The following ATP11B variants were observed in gnomAD, a reference collection of about 807,000 sequenced individuals.
ATP11B encodes the protein phospholipid-transporting ATPase IF.
In ATP11B, 81 loss-of-function variants were observed where a neutral mutation model predicts 157.8. The observed-to-expected ratio is 0.51, with a 90% CI of 0.43 to 0.62. The LOEUF (loss-of-function observed/expected upper bound fraction) is 0.62, where lower values mean the gene tolerates loss of function less well. Among genes scored for constraint, ATP11B ranks in the 20% least tolerant of loss-of-function variants. The pLI is 0.00. For missense variants in ATP11B, 1,165 were observed against 1,402.2 expected (o/e 0.83, Z 2.70); for synonymous variants, 451 against 469.4 (o/e 0.96, Z 0.51).
intron 1 of ATP11B, among the ~76,000 whole-genome samples, chr3:182,805,111 A>T (rs1365166000): frequency 6.6e-6 from 1 of 152,130 alleles, no homozygotes; most frequent in Non-Finnish European, 1.5e-5. Context: ...TGTTATGTAG[A>T]TGTGTATTTT....
rs1249231798 is a variant in ATP11B at position 182,874,047 on chromosome 3, C to G, written c.2252+32C>G. On this transcript the variant is annotated intron_variant, in intron 19 of 29. Transcript: ENST00000323116. ...ATATAGGAACCTGTATCATACCTTTCAGGGGTTAGCAAACTATGGTTCCCT... is the reference window on the plus strand; with the variant it reads ...ATATAGGAACCTGTATCATACCTTTGAGGGGTTAGCAAACTATGGTTCCCT... 7 of 1,586,220 alleles carry G rather than the reference C, an allele frequency of 4.4e-6. No homozygotes were observed. In the Admixed American group the frequency reaches 1.2e-4, roughly 27 times the overall value.
chr3:182,841,621 A>G (rs576594257), intron 7 of ATP11B, among the ~76,000 whole-genome samples: 2 of 152,294 alleles, frequency 1.3e-5, no homozygotes, highest in African/African-American at 4.8e-5. Flanking sequence ...TGTTTTTAAA[A>G]TGATTTATAG....
At chr3:182,868,121 C>G (rs926280115) in intron 15 of ATP11B, among the ~76,000 whole-genome samples, 2 of 151,804 alleles carry the variant, frequency 1.3e-5, no homozygotes, top group South Asian at 4.2e-4. Flanking sequence ...TTAGATGCTT[C>G]TGGGTAGTGA....
intron 29 of ATP11B, chr3:182,916,220 G>T: frequency 1.0e-6 from 1 of 985,250 alleles, no homozygotes; most frequent in Non-Finnish European, 1.2e-6. Flanking sequence ...TTTCCATTGT[G>T]ACTTTAGAGT....
In ATP11B at chr3:182,828,192, AT is replaced by A; in HGVS notation, c.219del (p.Ile74TyrfsTer7). ...AAGAGTGGCAAACTTTTATTTTCTT[AT>A]TATATTTTTGGTTCAGGTAAGCTTT... ...FRRVANFYFL[I>X]IFLVQLMIDT... On this transcript the variant is annotated frameshift_variant, in exon 3 of 30. Transcript: ENST00000323116. LOFTEE classifies it high-confidence loss of function. The A allele has an allele frequency of 6.7e-7, 1 of 1,490,588 alleles. No individual in the cohort carries two copies. The highest frequency in any genetic ancestry group is 9.1e-7 in the Non-Finnish European group (1 of 1,102,388). 92.3% of individuals were successfully genotyped at this position (1,490,588 alleles called of 1,614,324 possible). A position where few individuals can be genotyped will look rare whatever the true frequency, so the allele number is the denominator to read the frequency against.
chr3:182,868,152 T>C lies in ATP11B; in HGVS notation c.1688+708T>C, dbSNP rs1358087003. On this transcript the variant is annotated intron_variant, in intron 15 of 29. Coordinates refer to ENST00000323116, the MANE Select transcript of ATP11B (RefSeq NM_014616.3). ...AGTGAGTTTTATAGGTTCTTCTCAC[T>C]GAATAAAGAAAACTTTCCTTGTATT... Among the ~76,000 whole-genome samples the C allele has an allele frequency of 7.2e-5, 11 of 152,072 alleles. 1 individual carries two copies. Among genetic ancestry groups the C allele is most frequent in the Admixed American group, 6.6e-4 (10 of 15,266 alleles).
At position 182,837,107 on chromosome 3, in the gene ATP11B, A is replaced by G. The variant is rs766539995; in HGVS notation, c.589A>G (p.Thr197Ala). ...VAVPETALLQ[T>A]VANLDTLVAV... ...AGTTCCAGAAACAGCATTATTACAA[A>G]CAGTTGCCAATTTGGACACTCTAGT... The change falls in exon 7 of 30, where the codon ACA (threonine) becomes GCA (alanine). Residue 197 changes from threonine to alanine, a missense_variant. Physicochemically the swap from Thr to Ala is moderately conservative, Grantham distance 58 (BLOSUM62 0). Around this residue, in one of 4 missense-constraint regions of ATP11B, gnomAD observed 737 missense variants for 930.5 expected, o/e 0.79. Transcript: ENST00000323116. 6.2e-7 allele frequency: 1 copy of G among 1,613,492 alleles called. No homozygotes were observed. Among genetic ancestry groups the G allele is most frequent in the South Asian group, 1.1e-5 (1 of 91,040 alleles).
At chr3:182,819,149 T>G (rs1717160070) in intron 1 of ATP11B, among the ~76,000 whole-genome samples, 1 of 148,834 alleles carries the variant, frequency 6.7e-6, no homozygotes, top group Non-Finnish European at 1.5e-5. Context: ...CGATTTCGGC[T>G]CACTGCAAGC....
chr3:182,836,002 A>G (rs888352259), intron 4 of ATP11B, 33 bp from the exon 5 acceptor site: 2 of 1,543,994 alleles, frequency 1.3e-6, no homozygotes, highest in Non-Finnish European at 1.8e-6. Flanking sequence ...AATTATACTG[A>G]AAAATTATTT....
At chr3:182,901,349 A>C (rs1198735159) in intron 28 of ATP11B, among the ~76,000 whole-genome samples, 1 of 151,434 alleles carries the variant, frequency 6.6e-6, no homozygotes, top group Non-Finnish European at 1.5e-5. Context: ...ACAAAAAAAA[A>C]AAAACAAAAA....
At chr3:182,901,885 C>G (rs1409943013) in intron 28 of ATP11B, among the ~76,000 whole-genome samples, 2 of 151,870 alleles carry the variant, frequency 1.3e-5, no homozygotes, top group Non-Finnish European at 2.9e-5. Flanking sequence ...ATCATTTTAT[C>G]TATGTGTAAA....
At position 182,919,133 on chromosome 3, in the gene ATP11B, C is replaced by T. The variant is rs1438790992; in HGVS notation, c.*1029C>T. Reference sequence around the variant, plus strand: ...ATTAAATGAATACAAAAAGAAGAGCCTCTTTCTGCAGCCGACTTAGACATG... The same window carrying T: ...ATTAAATGAATACAAAAAGAAGAGCTTCTTTCTGCAGCCGACTTAGACATG... On this transcript the variant is annotated 3_prime_UTR_variant, in exon 30 of 30. Coordinates refer to ENST00000323116, the MANE Select transcript of ATP11B (RefSeq NM_014616.3). 1 of 152,348 alleles carries T rather than the reference C, an allele frequency of 6.6e-6. No homozygotes were observed. Among genetic ancestry groups the T allele is most frequent in the Non-Finnish European group, 1.5e-5 (1 of 67,982 alleles). The allele number at this position is 152,348 out of a possible 1,614,324, so 9.4% of individuals were successfully genotyped here.
rs747788315 is a variant in ATP11B, at chr3:182,872,526, A to G, written c.2037A>G (p.Ala679=). The change falls in exon 18 of 30, where the codon GCA becomes GCG. Residue 679 remains alanine (A), a synonymous_variant. Coordinates refer to ENST00000323116, the MANE Select transcript of ATP11B (RefSeq NM_014616.3). ...EKDLILLGAT[A]VEDRLQDKVR... is the part of the protein sequence containing the mutation. ...ACCTGATATTACTTGGAGCCACAGC[A>G]GTAGAAGACAGGTAAGTATCAGATA... 2 of 1,606,088 alleles carry G rather than the reference A, an allele frequency of 1.2e-6. No individual in the cohort carries two copies. The highest frequency in any genetic ancestry group is 4.5e-5 in the East Asian group (2 of 44,838).
intron 17 of ATP11B, among the ~76,000 whole-genome samples, chr3:182,871,880 A>C (rs1295901947): frequency 2.6e-5 from 4 of 151,014 alleles, no homozygotes; most frequent in Non-Finnish European, 5.9e-5. Context: ...CAGTGATGCT[A>C]TTTCGGCTCA....
Position 182,879,600 on chromosome 3 carries a change from A to G in ATP11B, c.2357A>G (p.Asn786Ser), listed in dbSNP as rs772976293. ...HEKLFMEVCR[N>S]CSAVLCCRMA... Reference sequence around the variant, plus strand: ...AAACTATTTATGGAAGTTTGCAGAAATTGTTCAGCTGTATTATGCTGTCGT... The same window carrying G: ...AAACTATTTATGGAAGTTTGCAGAAGTTGTTCAGCTGTATTATGCTGTCGT... The change falls in exon 20 of 30, where the codon AAT becomes AGT. Residue 786 changes from asparagine to serine, a missense_variant. By Grantham distance (46) the Asn-to-Ser change is conservative. Coordinates refer to ENST00000323116, the MANE Select transcript of ATP11B (RefSeq NM_014616.3). 3.1e-6 allele frequency: 5 copies of G among 1,614,150 alleles called. No individual in the cohort carries two copies. The highest frequency in any genetic ancestry group is 2.2e-5 in the East Asian group (1 of 44,874).
rs1475994735 is a variant in ATP11B, at chr3:182,916,154, T to TTA, written c.3453-1869_3453-1868insTA. 5 of 985,248 alleles carry TTA rather than the reference T, an allele frequency of 5.1e-6. No homozygotes were observed. The African/African-American group carries it at 7.0e-5, about 14-fold the overall frequency. The allele number at this position is 985,248 out of a possible 1,614,324, so 61.0% of individuals were successfully genotyped here. On this transcript the variant is annotated intron_variant, in intron 29 of 29. Coordinates refer to ENST00000323116, the MANE Select transcript of ATP11B (RefSeq NM_014616.3). ...ATTTAAACTTGCAAAGTCATTTTGATACATAGAGTTCTCTTTTTGTTTACA... is the reference window on the plus strand; with the variant it reads ...ATTTAAACTTGCAAAGTCATTTTGATTAACATAGAGTTCTCTTTTTGTTTACA...
At chr3:182,847,008 T>C (rs529793327) in intron 9 of ATP11B, among the ~76,000 whole-genome samples, 7 of 152,210 alleles carry the variant, frequency 4.6e-5, no homozygotes, top group African/African-American at 1.4e-4. Flanking sequence ...GAGTAAACCT[T>C]GAGGGCTTTT....
chr3:182,857,550 G>A, intron 10 of ATP11B, among the ~76,000 whole-genome samples: 1 of 126,588 alleles, frequency 7.9e-6, no homozygotes. Flanking sequence ...ACTTAAGGTG[G>A]GTGCTGAAAA....
chr3:182,867,837 C>G (rs1480389975), intron 15 of ATP11B, among the ~76,000 whole-genome samples: 1 of 152,102 alleles, frequency 6.6e-6, no homozygotes, highest in African/African-American at 2.4e-5. Context: ...TCCCAAAATG[C>G]AGGGATTACA....
Sources: gnomAD v4.1 joint callset for allele counts (sites outside exome capture counted in the v4.1 genomes callset) on GRCh38, gnomAD v4.1.1 for gene constraint, gnomAD v4.1.1 regional missense constraint, MANE v1.5 for transcripts, NCBI Gene and HGNC (gene_info 2026-07-23, HGNC 2026-07-21) for gene names.